OR6J1: variants seen among roughly 807,000 people sequenced by gnomAD.
OR6J1 encodes olfactory receptor 6J1.
For missense variants in OR6J1, 304 were observed against 166.8 expected (o/e 1.82, Z -4.53); for synonymous variants, 109 against 70.0 (o/e 1.56, Z -2.78).
intron 1 of OR6J1, among the ~76,000 whole-genome samples, chr14:22,640,597 A>ATCC (rs1427282983): frequency 6.8e-6 from 1 of 147,072 alleles, no homozygotes; most frequent in Non-Finnish European, 1.5e-5. Flanking sequence ...GGATCAAGTG[A>ATCC]TCCTCCCACC....
At chr14:22,639,221 G>C (rs1265949328) in intron 1 of OR6J1, among the ~76,000 whole-genome samples, 1 of 121,418 alleles carries the variant, frequency 8.2e-6, no homozygotes, top group Admixed American at 7.3e-5. Flanking sequence ...CACCCCGTCC[G>C]GGAGGGAGGT....
At chr14:22,639,520 A>G (rs1395364558) in intron 1 of OR6J1, among the ~76,000 whole-genome samples, 5 of 131,904 alleles carry the variant, frequency 3.8e-5, no homozygotes, top group Admixed American at 2.1e-4. Context: ...CAGGATGACA[A>G]TGGCGGCTTT....
chr14:22,638,663 ATAAAAAAAAAAT>A (rs1208876042), intron 1 of OR6J1, among the ~76,000 whole-genome samples: 1 of 58,082 alleles, frequency 1.7e-5, no homozygotes, highest in Non-Finnish European at 3.2e-5. Flanking sequence ...AAAAATAAAA[ATAAAAAAAAAAT>A]AAAAAAAATT....
chr14:22,643,796 G>GAGAGAA (rs1450179581), intron 1 of OR6J1, among the ~76,000 whole-genome samples: 13 of 147,444 alleles, frequency 8.8e-5, no homozygotes, highest in African/African-American at 3.4e-4. Context: ...GAGAGAGAGA[G>GAGAGAA]AGACAGCAGT....
Position 22,642,312 on chromosome 14 carries a change from A to AATATATATATAT in OR6J1, c.-28+1774_-28+1785dup, listed in dbSNP as rs71421135. ...TGTCCATCACCACAATCAACTTAAG[A>AATATATATATAT]ATATATATATATATATATATATATA... On this transcript the variant is annotated intron_variant, in intron 1 of 1. Transcript: ENST00000540461. 6.3e-3 allele frequency among the ~76,000 whole-genome samples: 689 copies of AATATATATATAT among 108,960 alleles called. 12 individuals carry two copies. The highest frequency in any genetic ancestry group is 0.011 in the African/African-American group (276 of 24,368). The allele number at this position is 108,960 out of a possible 152,430, so 71.5% of individuals were successfully genotyped here.
rs1483849275 is a variant in OR6J1 at position 22,639,286 on chromosome 14, G to T, written c.-27-4448C>A. 1.3e-4 allele frequency among the ~76,000 whole-genome samples: 17 copies of T among 126,864 alleles called. 1 individual carries two copies. Among genetic ancestry groups the T allele is most frequent in the Non-Finnish European group, 3.2e-5 (2 of 61,684 alleles). 83.2% of individuals were successfully genotyped at this position (126,864 alleles called of 152,430 possible). On this transcript the variant is annotated intron_variant, in intron 1 of 1. Coordinates refer to ENST00000540461, the MANE Select transcript of OR6J1 (RefSeq NM_001348233.2). ...CCGCCCCGTCCGGGAGGTGAGGGGC[G>T]CCTCTGCCCGGCCGCCCCTACTGGG...
chr14:22,640,643 C>A (rs2037638722), intron 1 of OR6J1, among the ~76,000 whole-genome samples: 1 of 150,906 alleles, frequency 6.6e-6, no homozygotes, highest in South Asian at 2.1e-4. Flanking sequence ...CAGGTGCATG[C>A]CACCATGCCC....
In OR6J1 at chr14:22,634,421, A is replaced by G. The variant is rs1178185723; in HGVS notation, c.391T>C (p.Tyr131His). Residue 131 changes from tyrosine to histidine, a missense_variant, in exon 2 of 2, where the codon TAC becomes CAC. Transcript: ENST00000540461. ...ACAGAAGGTCTCATGATGGTGGTGT[A>G]CCGCAGGGGGCAGCAGATGGTGGCA... ...RYATICCPLR[Y>H]TTIMRPSVCI... 1.4e-6 allele frequency: 1 copy of G among 703,432 alleles called. No individual in the cohort carries two copies. Among genetic ancestry groups the G allele is most frequent in the South Asian group, 1.5e-5 (1 of 67,584 alleles). 43.6% of individuals were successfully genotyped at this position (703,432 alleles called of 1,614,324 possible).
intron 1 of OR6J1, among the ~76,000 whole-genome samples, chr14:22,642,570 C>T (rs1430474902): frequency 6.6e-6 from 1 of 151,718 alleles, no homozygotes; most frequent in African/African-American, 2.4e-5. Context: ...CAACTCCTGA[C>T]CTCATGATCT....
At chr14:22,638,473 T>A (rs1291366171) in intron 1 of OR6J1, among the ~76,000 whole-genome samples, 2 of 87,388 alleles carry the variant, frequency 2.3e-5, no homozygotes, top group Non-Finnish European at 4.2e-5. Flanking sequence ...TTAAGAGTCA[T>A]CACCACTCCC....
At chr14:22,642,441 C>T (rs1395714906) in intron 1 of OR6J1, among the ~76,000 whole-genome samples, 11 of 150,812 alleles carry the variant, frequency 7.3e-5, no homozygotes, top group African/African-American at 2.2e-4. Context: ...AGGGTTCAAG[C>T]GATTCTCCTG....
chr14:22,636,562 C>T lies in OR6J1; in HGVS notation c.-27-1724G>A, dbSNP rs1191000085. Among the ~76,000 whole-genome samples the T allele has an allele frequency of 2.6e-4, 31 of 117,158 alleles. 2 individuals are homozygous for T. The highest frequency in any genetic ancestry group is 1.2e-4 in the Non-Finnish European group (7 of 59,858). 76.9% of individuals were successfully genotyped at this position (117,158 alleles called of 152,430 possible). ...AGTGCCTGCGATTGCAGGCGCACGCCGCCACGCCTCACTGGTTTTCGTTTT... is the reference window on the plus strand; with the variant it reads ...AGTGCCTGCGATTGCAGGCGCACGCTGCCACGCCTCACTGGTTTTCGTTTT... On this transcript the variant is annotated intron_variant, in intron 1 of 1. Coordinates refer to ENST00000540461, the MANE Select transcript of OR6J1 (RefSeq NM_001348233.2).
intron 1 of OR6J1, among the ~76,000 whole-genome samples, chr14:22,636,700 T>A (rs2037589603): frequency 1.8e-5 from 2 of 111,348 alleles, no homozygotes; most frequent in East Asian, 4.6e-4. Flanking sequence ...GCGGACGGAG[T>A]CTCGTTCACT....
At chr14:22,641,464 AGAAAAAGAAAGAAAGGAAGG>A in intron 1 of OR6J1, among the ~76,000 whole-genome samples, 2 of 48,376 alleles carry the variant, frequency 4.1e-5, no homozygotes, top group African/African-American at 8.9e-5. Context: ...AAAGAAAGAA[AGAAAAAGAAAGAAAGGAAGG>A]AAGGAAGGAG....
chr14:22,634,466 C>T lies in OR6J1; in HGVS notation c.346G>A (p.Val116Ile). 2 of 703,308 alleles carry T rather than the reference C, an allele frequency of 2.8e-6. No homozygotes were observed. Among genetic ancestry groups the T allele is most frequent in the Non-Finnish European group, 5.2e-6 (2 of 384,930 alleles). 43.6% of individuals were successfully genotyped at this position (703,308 alleles called of 1,614,324 possible). ...GTGGCATAACGGTCATAGGACATGA[C>T]CGTCAGCAGGAGGAACTCAACTGTG... ...LGTVEFLLLT[V>I]MSYDRYATIC... The change falls in exon 2 of 2, where the codon GTC (valine) becomes ATC (isoleucine). Residue 116 changes from valine to isoleucine, a missense_variant. Val to Ile is a conservative substitution (Grantham distance 29). Transcript: ENST00000540461.
chr14:22,643,789 AG>A (rs2037670801), intron 1 of OR6J1, among the ~76,000 whole-genome samples: 9 of 150,644 alleles, frequency 6.0e-5, no homozygotes, highest in African/African-American at 2.2e-4. Context: ...AGAGAGAGAG[AG>A]AGAGAGAGAC....
At chr14:22,641,395 G>A (rs1340473262) in intron 1 of OR6J1, among the ~76,000 whole-genome samples, 4 of 24,654 alleles carry the variant, frequency 1.6e-4, no homozygotes, top group South Asian at 2.5e-3. Flanking sequence ...GAGAGAGAGA[G>A]AGAAAGGAAG....
chr14:22,643,787 AGAGAGAGAG>A (rs1357089068), intron 1 of OR6J1, among the ~76,000 whole-genome samples: 8 of 150,796 alleles, frequency 5.3e-5, no homozygotes, highest in African/African-American at 1.7e-4. Context: ...AGAGAGAGAG[AGAGAGAGAG>A]AGACAGCAGT....
intron 1 of OR6J1, among the ~76,000 whole-genome samples, chr14:22,640,268 AG>A: frequency 7.3e-5 from 7 of 96,188 alleles, no homozygotes; most frequent in South Asian, 4.7e-4. Context: ...CAAGGAAGGA[AG>A]GAAGGAAGGA....
Sources: gnomAD v4.1 joint callset for allele counts (sites outside exome capture counted in the v4.1 genomes callset) on GRCh38, gnomAD v4.1.1 for gene constraint, MANE v1.5 for transcripts, NCBI Gene and HGNC (gene_info 2026-07-23, HGNC 2026-07-21) for gene names.